The following OR2C1 variants were observed in gnomAD, a reference collection of about 807,000 sequenced individuals.
OR2C1 encodes the protein olfactory receptor family 2 subfamily C member 1.
For missense variants in OR2C1, 468 were observed against 388.3 expected (o/e 1.21, Z -1.73); for synonymous variants, 209 against 167.3 (o/e 1.25, Z -1.92).
chr16:3,353,983 CTTT>C (rs1001983184), upstream of OR2C1, among the ~76,000 whole-genome samples: 3 of 115,500 alleles, frequency 2.6e-5, no homozygotes, highest in African/African-American at 3.3e-5. Context: ...CTTTTCTTTT[CTTT>C]TTTTTTTTTT....
chr16:3,347,852 GCA>G, the OR2C1 span, among the ~76,000 whole-genome samples: 6 of 8,910 alleles, frequency 6.7e-4, no homozygotes, highest in South Asian at 0.011. Flanking sequence ...ACATGCACAC[GCA>G]CACACGCGCA....
At chr16:3,325,876 G>C in the OR2C1 span, among the ~76,000 whole-genome samples, 1 of 151,510 alleles carries the variant, frequency 6.6e-6, no homozygotes, top group Non-Finnish European at 1.5e-5. Context: ...ATTAGTGATG[G>C]AGATTATCTC....
the OR2C1 span, chr16:3,323,053 C>G: frequency 3.4e-6 from 2 of 585,870 alleles, no homozygotes; most frequent in African/African-American, 2.0e-5. Context: ...TTTTTTTTAA[C>G]CCTTCCTTTC....
the OR2C1 span, among the ~76,000 whole-genome samples, chr16:3,342,749 C>T: frequency 3.9e-5 from 6 of 152,162 alleles, no homozygotes; most frequent in African/African-American, 9.6e-5. Context: ...CAGTGGCAGG[C>T]GCTTGTAATC....
the OR2C1 span, among the ~76,000 whole-genome samples, chr16:3,345,148 A>T: frequency 6.6e-6 from 1 of 152,024 alleles, no homozygotes; most frequent in African/African-American, 2.4e-5. Flanking sequence ...ATAAGTGAAA[A>T]CATTGTGGAG....
the OR2C1 span, among the ~76,000 whole-genome samples, chr16:3,333,665 C>T: frequency 1.3e-5 from 2 of 152,150 alleles, no homozygotes; most frequent in African/African-American, 2.4e-5. Flanking sequence ...TGGGTTGTCT[C>T]TTCACTTTAT....
At chr16:3,327,413 T>A in the OR2C1 span, among the ~76,000 whole-genome samples, 1 of 152,104 alleles carries the variant, frequency 6.6e-6, no homozygotes, top group Non-Finnish European at 1.5e-5. Flanking sequence ...AGGACCTCTG[T>A]CCCATAGGAG....
At chr16:3,338,537 C>CATTTTTTTTTTT in the OR2C1 span, among the ~76,000 whole-genome samples, 14 of 28,240 alleles carry the variant, frequency 5.0e-4, 1 homozygote, top group Non-Finnish European at 6.8e-4. Flanking sequence ...AGTATAGGTA[C>CATTTTTTTTTTT]CTTTTTTTTT....
chr16:3,355,506 G>A (rs35160989), upstream of OR2C1, among the ~76,000 whole-genome samples: 71,734 of 132,702 alleles, frequency 0.54, 18,566 homozygotes, highest in East Asian at 0.73. Flanking sequence ...TGGAGTCCAG[G>A]TGCAGTGGTT....
At chr16:3,331,007 T>A in the OR2C1 span, among the ~76,000 whole-genome samples, 2 of 152,198 alleles carry the variant, frequency 1.3e-5, no homozygotes, top group Non-Finnish European at 2.9e-5. Context: ...CCACCAATAG[T>A]GTAAAAGTGT....
chr16:3,338,538 C>CTTTTTTTT, the OR2C1 span, among the ~76,000 whole-genome samples: 168 of 103,334 alleles, frequency 1.6e-3, 29 homozygotes, highest in African/African-American at 5.4e-3. Flanking sequence ...GTATAGGTAC[C>CTTTTTTTT]TTTTTTTTTT....
At chr16:3,350,055 C>T in the OR2C1 span, among the ~76,000 whole-genome samples, 22 of 102,736 alleles carry the variant, frequency 2.1e-4, no homozygotes, top group East Asian at 6.4e-4. Flanking sequence ...AAAAGGGAAT[C>T]TTTTTTTTTT....
the OR2C1 span, among the ~76,000 whole-genome samples, chr16:3,343,804 T>C: frequency 6.6e-6 from 1 of 152,016 alleles, no homozygotes; most frequent in Non-Finnish European, 1.5e-5. Context: ...ACAGAAAATT[T>C]ACTAAATAGA....
At chr16:3,331,199 C>G in the OR2C1 span, among the ~76,000 whole-genome samples, 167 of 152,298 alleles carry the variant, frequency 1.1e-3, 1 homozygote, top group African/African-American at 3.9e-3. Flanking sequence ...TGAGAAGTGT[C>G]TGTTTATGTC....
the OR2C1 span, among the ~76,000 whole-genome samples, chr16:3,346,999 G>A: frequency 6.7e-6 from 1 of 150,138 alleles, no homozygotes; most frequent in African/African-American, 2.4e-5. Context: ...AATCCCAGCA[G>A]TTTGGGAGGC....
chr16:3,348,879 G>T, the OR2C1 span, among the ~76,000 whole-genome samples: 1 of 152,024 alleles, frequency 6.6e-6, no homozygotes, highest in East Asian at 1.9e-4. Context: ...CTGATTTGTG[G>T]TTTATGTTGG....
upstream of OR2C1, among the ~76,000 whole-genome samples, chr16:3,351,887 C>CT (rs35692577): frequency 0.045 from 5,615 of 124,534 alleles, 161 homozygotes; most frequent in Non-Finnish European, 0.061. Flanking sequence ...AGCATTTAGT[C>CT]TTTTTTTTTT....
At chr16:3,339,276 T>G in the OR2C1 span, among the ~76,000 whole-genome samples, 14 of 147,538 alleles carry the variant, frequency 9.5e-5, no homozygotes, top group Admixed American at 2.7e-4. Context: ...GAACATTAGT[T>G]TTTTTTTTTT....
At chr16:3,345,109 C>G in the OR2C1 span, among the ~76,000 whole-genome samples, 3 of 151,948 alleles carry the variant, frequency 2.0e-5, no homozygotes, top group African/African-American at 7.3e-5. Context: ...TAAACATACA[C>G]ACAACAACCT....
Sources: allele counts gnomAD v4.1 joint callset (sites outside exome capture counted in the v4.1 genomes callset), GRCh38; gene constraint gnomAD v4.1.1; transcripts MANE v1.5; gene names NCBI Gene and HGNC (gene_info 2026-07-23, HGNC 2026-07-21).